The following PLCL1 variants were observed in gnomAD, a reference collection of about 807,000 sequenced individuals.
PLCL1 encodes the protein phospholipase C like 1 (inactive).
In PLCL1, 41 loss-of-function variants were observed where a neutral mutation model predicts 84.4. That is an observed-to-expected ratio of 0.49 (90% CI 0.38 to 0.63). PLCL1 has a LOEUF of 0.63. PLCL1 is among the 30% of genes least tolerant of loss of function. The pLI is 0.00. For missense variants in PLCL1, 1,206 were observed against 1,367.8 expected, an observed-to-expected ratio of 0.88 and a Z score of 1.87; for synonymous variants, 490 against 488.3, an observed-to-expected ratio of 1.00 and a Z score of -0.05.
chr2:197,980,421 C>T (rs577899575), intron 1 of PLCL1, among the ~76,000 whole-genome samples: 5 of 152,222 alleles, frequency 3.3e-5, no homozygotes, highest in East Asian at 1.9e-4. Context: ...TCTTTTGTTC[C>T]GTATCATATT....
rs13003292 is a variant in PLCL1 at position 198,133,270 on chromosome 2, A to G, written c.3106-13510A>G. Among the ~76,000 whole-genome samples, 753 of 151,098 alleles carry G rather than the reference A, an allele frequency of 5.0e-3. 4 individuals are homozygous for G. Among genetic ancestry groups the G allele is most frequent in the African/African-American group, 0.017 (703 of 41,114 alleles). On this transcript the variant is annotated intron_variant, in intron 5 of 5. Transcript: ENST00000428675. The stretch of plus-strand genomic sequence containing the variant: ...AAATCATCATTCTCAGTAAACTATC[A>G]CAAGAACAAAAAACCAAACACCGCA...
chr2:198,101,431 GA>G (rs1693332276), intron 4 of PLCL1, 71 bp downstream of exon 4: 2 of 849,910 alleles, frequency 2.4e-6, no homozygotes, highest in Admixed American at 5.3e-5. Flanking sequence ...ATTCTTGGTA[GA>G]TTTTTTTTTC....
intron 1 of PLCL1, among the ~76,000 whole-genome samples, chr2:197,907,182 G>A (rs1688401924): frequency 6.6e-6 from 1 of 152,100 alleles, no homozygotes; most frequent in Admixed American, 6.5e-5. Context: ...TGGAAGTTCT[G>A]GCCAGGGCAA....
chr2:198,031,327 C>T (rs1691416219), intron 1 of PLCL1, among the ~76,000 whole-genome samples: 1 of 151,916 alleles, frequency 6.6e-6, no homozygotes, highest in South Asian at 2.1e-4. Flanking sequence ...ATGATCACAA[C>T]ACTGCACTCT....
chr2:198,049,307 C>T lies in PLCL1; in HGVS notation c.241-34451C>T, dbSNP rs76611453. ...CTCTCATAATAGACAGCACCTGTAG[C>T]CTTTTGACCCTTTGTTCTAAATCTT... is the stretch of plus-strand genomic sequence containing the variant. On this transcript the variant is annotated intron_variant, in intron 1 of 5. Transcript: ENST00000428675. 2.1e-3 allele frequency among the ~76,000 whole-genome samples: 315 copies of T among 152,286 alleles called. 2 individuals are homozygous for T. The highest frequency in any genetic ancestry group is 7.3e-3 in the African/African-American group (303 of 41,552).
intron 3 of PLCL1, among the ~76,000 whole-genome samples, chr2:198,100,752 G>A (rs1327033959): frequency 2.0e-5 from 3 of 152,032 alleles, no homozygotes; most frequent in Non-Finnish European, 4.4e-5. Context: ...CCACCTTTGA[G>A]TGCTGCTTGA....
chr2:198,138,384 G>C (rs1428920834), intron 5 of PLCL1, among the ~76,000 whole-genome samples: 1 of 152,054 alleles, frequency 6.6e-6, no homozygotes, highest in Non-Finnish European at 1.5e-5. Flanking sequence ...AGAACAACAA[G>C]GAGGAAATCT....
intron 1 of PLCL1, among the ~76,000 whole-genome samples, chr2:198,034,767 A>G (rs1040725000): frequency 6.6e-6 from 1 of 152,230 alleles, no homozygotes; most frequent in African/African-American, 2.4e-5. Flanking sequence ...TTTGTGGTCT[A>G]GGAAATCAAT....
intron 1 of PLCL1, among the ~76,000 whole-genome samples, chr2:198,054,746 A>G (rs947497409): frequency 6.6e-6 from 1 of 152,234 alleles, no homozygotes; most frequent in Non-Finnish European, 1.5e-5. Context: ...TTTTAGGTTC[A>G]GACTTAATAA....
At chr2:198,097,446 A>C (rs1693228405) in intron 3 of PLCL1, among the ~76,000 whole-genome samples, 2 of 152,204 alleles carry the variant, frequency 1.3e-5, no homozygotes, top group Non-Finnish European at 2.9e-5. Context: ...AGGCTTTGTA[A>C]CACTTTTGGT....
At chr2:197,828,635 A>G (rs1690984681) in intron 1 of PLCL1, among the ~76,000 whole-genome samples, 1 of 152,150 alleles carries the variant, frequency 6.6e-6, no homozygotes, top group East Asian at 1.9e-4. Flanking sequence ...AAAAGTATCC[A>G]TATAGTGATG....
chr2:197,875,507 T>G (rs79308692), intron 1 of PLCL1, among the ~76,000 whole-genome samples: 1 of 152,092 alleles, frequency 6.6e-6, no homozygotes, highest in Non-Finnish European at 1.5e-5. Context: ...GCTAGTAAGG[T>G]GCACTCGCTT....
chr2:198,077,992 C>T (rs1256022358), intron 1 of PLCL1, among the ~76,000 whole-genome samples: 2 of 151,932 alleles, frequency 1.3e-5, no homozygotes, highest in African/African-American at 4.8e-5. Context: ...ATTAGGAATC[C>T]TTTTTATTAG....
intron 5 of PLCL1, among the ~76,000 whole-genome samples, chr2:198,133,598 T>G: frequency 6.6e-6 from 1 of 152,078 alleles, no homozygotes; most frequent in South Asian, 2.1e-4. Flanking sequence ...GTGATGGTAT[T>G]TGACATTTAG....
Position 197,870,046 on chromosome 2 carries a change from C to T in PLCL1, c.240+64707C>T, listed in dbSNP as rs75726741. Among the ~76,000 whole-genome samples the T allele has an allele frequency of 3.5e-3, 540 of 152,138 alleles. 2 individuals are homozygous for T. Among genetic ancestry groups the T allele is most frequent in the Non-Finnish European group, 5.1e-3 (347 of 67,998 alleles). ...TAATAAAGATTCCCGTGTATCTGGG[C>T]GGCCACGAAGCATCATGGAGTTTTT... is the stretch of plus-strand genomic sequence containing the variant. On this transcript the variant is annotated intron_variant, in intron 1 of 5. Transcript: ENST00000428675.
intron 1 of PLCL1, among the ~76,000 whole-genome samples, chr2:197,973,661 A>G (rs1326952440): frequency 6.6e-6 from 1 of 152,090 alleles, no homozygotes; most frequent in Admixed American, 6.6e-5. Flanking sequence ...GGTGGGGAGG[A>G]GCTTCACATG....
At chr2:197,972,688 G>A (rs1321248387) in intron 1 of PLCL1, among the ~76,000 whole-genome samples, 1 of 152,180 alleles carries the variant, frequency 6.6e-6, no homozygotes, top group Admixed American at 6.5e-5. Context: ...GGGTTTAGAT[G>A]TAAAAAGTGC....
At chr2:198,079,318 A>G (rs1303900559) in intron 1 of PLCL1, among the ~76,000 whole-genome samples, 2 of 151,712 alleles carry the variant, frequency 1.3e-5, no homozygotes, top group Non-Finnish European at 2.9e-5. Context: ...GAAGCTGAAA[A>G]TATTTTGCTG....
At chr2:197,989,528 T>C (rs185397305) in intron 1 of PLCL1, among the ~76,000 whole-genome samples, 1 of 152,142 alleles carries the variant, frequency 6.6e-6, no homozygotes, top group East Asian at 1.9e-4. Context: ...AAAGAGATGG[T>C]TTCCAAAACT....
Sources: allele counts gnomAD v4.1 joint callset (sites outside exome capture counted in the v4.1 genomes callset), GRCh38; gene constraint gnomAD v4.1.1; transcripts MANE v1.5; gene names NCBI Gene and HGNC (gene_info 2026-07-23, HGNC 2026-07-21).